SHROOM4: variants seen among roughly 807,000 people sequenced by gnomAD.
The protein encoded by SHROOM4 is protein Shroom4.
In SHROOM4, 17 loss-of-function variants were observed where a neutral mutation model predicts 80.3. The observed-to-expected ratio is 0.21, with a 90% CI of 0.14 to 0.32. SHROOM4 has a LOEUF of 0.32. Among genes scored for constraint, SHROOM4 ranks in the 10% least tolerant of loss-of-function variants. The pLI, the probability that SHROOM4 is intolerant of heterozygous loss-of-function variation, is 1.00. For missense variants in SHROOM4, 993 were observed against 1,140.3 expected (o/e 0.87, Z 1.86); for synonymous variants, 400 against 437.5 (o/e 0.91, Z 1.07).
rs1483508047 is a variant in SHROOM4 at position 50,588,442 on chromosome X, G to A, written c.*8253C>T. Among the ~76,000 whole-genome samples, 1 of 111,966 alleles carries A rather than the reference G, an allele frequency of 8.9e-6. No individual in the cohort carries two copies. The highest frequency in any genetic ancestry group is 3.2e-5 in the African/African-American group (1 of 30,788). ...ACTCAATAATTCCTCACAACACAAG[G>A]ATGTATTTTTGTTTCCACCATTTGA... On this transcript the variant is annotated 3_prime_UTR_variant, in exon 9 of 9. Coordinates refer to ENST00000376020, the MANE Select transcript of SHROOM4 (RefSeq NM_020717.5).
At chrX:50,710,662 A>G (rs1557264328) in intron 1 of SHROOM4, among the ~76,000 whole-genome samples, 1 of 111,611 alleles carries the variant, frequency 9.0e-6, no homozygotes. Context: ...TGAATCTAAA[A>G]AGTTGAAATT....
intron 1 of SHROOM4, among the ~76,000 whole-genome samples, chrX:50,755,580 C>A (rs192850767): frequency 8.9e-5 from 10 of 112,311 alleles, no homozygotes; most frequent in Non-Finnish European, 1.7e-4. Flanking sequence ...ACAGTAGGTG[C>A]TCAGTAAACA....
chrX:50,618,535 G>A (rs1254040467), intron 5 of SHROOM4, among the ~76,000 whole-genome samples: 5 of 109,156 alleles, frequency 4.6e-5, no homozygotes, highest in Non-Finnish European at 9.5e-5. Flanking sequence ...GCCTCCCCGT[G>A]TGCCACCATG....
chrX:50,757,998 T>A (rs923292442), intron 1 of SHROOM4, among the ~76,000 whole-genome samples: 20 of 111,444 alleles, frequency 1.8e-4, no homozygotes, highest in Admixed American at 9.6e-5. Context: ...GTTTTCAGTG[T>A]ACAAAATACT....
chrX:50,749,481 T>C (rs1257270110), intron 1 of SHROOM4, among the ~76,000 whole-genome samples: 4 of 111,739 alleles, frequency 3.6e-5, no homozygotes, highest in Non-Finnish European at 5.6e-5. Context: ...GATATCTTCA[T>C]AGATAATTTA....
chrX:50,813,253 T>G (rs1271390932), intron 1 of SHROOM4, among the ~76,000 whole-genome samples: 1 of 111,379 alleles, frequency 9.0e-6, no homozygotes, highest in Non-Finnish European at 1.9e-5. Context: ...TCCTCCACAC[T>G]TCTCAACGTG....
At chrX:50,602,599 C>T in intron 7 of SHROOM4, 34 bp downstream of exon 7, 1 of 1,198,135 alleles carries the variant, frequency 8.3e-7, no homozygotes. Flanking sequence ...AAGCTAAATT[C>T]TGAAAATCTC....
Position 50,690,478 on chromosome X carries a change from T to C in SHROOM4, c.269+5308A>G, listed in dbSNP as rs146601871. 7.1e-3 allele frequency among the ~76,000 whole-genome samples: 794 copies of C among 112,186 alleles called. 10 individuals are homozygous for C. Among genetic ancestry groups the C allele is most frequent in the African/African-American group, 0.024 (758 of 31,019 alleles). On this transcript the variant is annotated intron_variant, in intron 2 of 8. Transcript: ENST00000376020. ...TTTAATAATAAAATATTTAAGGTTA[T>C]GAATTTACTTCTGAATATTCTCAAA...
intron 1 of SHROOM4, among the ~76,000 whole-genome samples, chrX:50,697,580 T>C (rs868924799): frequency 9.8e-6 from 1 of 102,302 alleles, no homozygotes; most frequent in Middle Eastern, 4.7e-3. Flanking sequence ...TAATCCAACT[T>C]TTTTTTAAAA....
chrX:50,596,292 A>G lies in SHROOM4; in HGVS notation c.*403T>C. The G allele has an allele frequency of 2.9e-6, 1 of 344,917 alleles. No individual in the cohort carries two copies. Among genetic ancestry groups the G allele is most frequent in the South Asian group, 2.6e-5 (1 of 38,652 alleles). 28.4% of individuals were successfully genotyped at this position (344,917 alleles called of 1,213,427 possible). A position where few individuals can be genotyped will look rare whatever the true frequency, so the allele number is the denominator to read the frequency against. On this transcript the variant is annotated 3_prime_UTR_variant, in exon 9 of 9. Transcript: ENST00000376020. Reference sequence around the variant, plus strand: ...TGGCTGGCCACAAGCCCTGGGGCAGAGTAGAGCTGCAAGGCAGATTCCCTC... The same window carrying G: ...TGGCTGGCCACAAGCCCTGGGGCAGGGTAGAGCTGCAAGGCAGATTCCCTC...
rs782213671 is a variant in SHROOM4, at chrX:50,635,227, G to C, written c.846C>G (p.Ser282Arg). The C allele has an allele frequency of 2.7e-5, 32 of 1,201,515 alleles. No individual in the cohort carries two copies. Among genetic ancestry groups the C allele is most frequent in the Non-Finnish European group, 3.6e-5 (32 of 890,631 alleles). The change falls in exon 4 of 9, where the codon AGC (serine) becomes AGG (arginine). Residue 282 changes from serine to arginine, a missense_variant. By Grantham distance (110) the Ser-to-Arg change is moderately radical (BLOSUM62 -1). Coordinates refer to ENST00000376020, the MANE Select transcript of SHROOM4 (RefSeq NM_020717.5). Reference sequence around the variant, plus strand: ...GGAGTTGGGCTCTGGAGGCCTGAAGGCTGTCCCGCCTCACTGGAGGTTGTG... The same window carrying C: ...GGAGTTGGGCTCTGGAGGCCTGAAGCCTGTCCCGCCTCACTGGAGGTTGTG... ...GPPQPPVRRD[S>R]LQASRAQLLN...
rs1274454617 is a variant in SHROOM4, at chrX:50,725,659, G to A, written c.118-29722C>T. Among the ~76,000 whole-genome samples the A allele has an allele frequency of 2.7e-5, 3 of 112,441 alleles. No homozygotes were observed. The East Asian group carries it at 8.4e-4, about 31-fold the overall frequency. On this transcript the variant is annotated intron_variant, in intron 1 of 8. Transcript: ENST00000376020. ...TCTCTTTCCTGCTGCTATGTAAGATGTGCCTTGCTTTTCCTTCACCTTCTG... is the reference window on the plus strand; with the variant it reads ...TCTCTTTCCTGCTGCTATGTAAGATATGCCTTGCTTTTCCTTCACCTTCTG...
intron 6 of SHROOM4, 27 bp from the exon 7 acceptor site, chrX:50,602,840 A>T: frequency 8.4e-7 from 1 of 1,186,626 alleles, no homozygotes; most frequent in Non-Finnish European, 1.1e-6. Context: ...TGACCATTTG[A>T]GCACCTCTGT....
chrX:50,705,069 C>A, intron 1 of SHROOM4, among the ~76,000 whole-genome samples: 1 of 111,799 alleles, frequency 8.9e-6, no homozygotes, highest in Non-Finnish European at 1.9e-5. Context: ...TAGGACAGAT[C>A]CCATTTTATA....
In SHROOM4 at chrX:50,785,979, T is replaced by C. The variant is rs1374732541; in HGVS notation, c.117+27923A>G. 1.1e-4 allele frequency among the ~76,000 whole-genome samples: 12 copies of C among 111,572 alleles called. No homozygotes were observed. The Admixed American group carries it at 1.1e-3, about 11-fold the overall frequency. The stretch of plus-strand genomic sequence containing the variant: ...AAAACCCTCAACTCTCCTAACCACA[T>C]GAACAAACAAATTCAACAACAAAAT... On this transcript the variant is annotated intron_variant, in intron 1 of 8. Coordinates refer to ENST00000376020, the MANE Select transcript of SHROOM4 (RefSeq NM_020717.5).
intron 1 of SHROOM4, among the ~76,000 whole-genome samples, chrX:50,748,516 G>C (rs1196054821): frequency 9.0e-6 from 1 of 111,555 alleles, no homozygotes; most frequent in African/African-American, 3.3e-5. Flanking sequence ...AACTCTAAGA[G>C]AGAGAGAGCA....
intron 1 of SHROOM4, among the ~76,000 whole-genome samples, chrX:50,746,596 A>G (rs1380923688): frequency 8.9e-6 from 1 of 112,009 alleles, no homozygotes; most frequent in Non-Finnish European, 1.9e-5. Context: ...CTTGCATTTA[A>G]GGAGTTATAG....
chrX:50,609,432 T>C (rs1396193733), intron 5 of SHROOM4, among the ~76,000 whole-genome samples: 10 of 111,313 alleles, frequency 9.0e-5, no homozygotes, highest in African/African-American at 2.9e-4. Context: ...AGGGATAAAG[T>C]ATATTATAAA....
At chrX:50,660,833 T>C (rs1340922432) in intron 2 of SHROOM4, among the ~76,000 whole-genome samples, 1 of 109,068 alleles carries the variant, frequency 9.2e-6, no homozygotes, top group Non-Finnish European at 1.9e-5. Context: ...CTCAGGCTTG[T>C]CTTGAACTCC....
Sources: allele counts gnomAD v4.1 joint callset (sites outside exome capture counted in the v4.1 genomes callset), GRCh38; gene constraint gnomAD v4.1.1; transcripts MANE v1.5; gene names NCBI Gene and HGNC (gene_info 2026-07-23, HGNC 2026-07-21).